Variants in PRKN observed in about 807,000 individuals in gnomAD.
PRKN encodes the protein parkin RBR E3 ubiquitin protein ligase.
Under a neutral mutation model 59.5 loss-of-function variants are expected in PRKN, and 56 were observed. The ratio of observed to expected loss-of-function variants is 0.94; its 90% confidence interval spans 0.76 to 1.18. PRKN has a LOEUF of 1.18. Among genes scored for constraint, PRKN ranks in the 50% most tolerant of loss-of-function variants. The pLI, the probability that PRKN is intolerant of heterozygous loss-of-function variation, is 0.00. For missense variants in PRKN, 657 were observed against 596.4 expected, an observed-to-expected ratio of 1.10 and a Z score of -1.06; for synonymous variants, 250 against 222.1, an observed-to-expected ratio of 1.13 and a Z score of -1.12.
At chr6:161,687,410 A>C (rs1278702935) in intron 7 of PRKN, among the ~76,000 whole-genome samples, 1 of 124,728 alleles carries the variant, frequency 8.0e-6, no homozygotes, top group Non-Finnish European at 1.8e-5. Flanking sequence ...AAAAAAAAAA[A>C]AAAAAGAATA....
intron 2 of PRKN, among the ~76,000 whole-genome samples, chr6:162,351,482 T>G (rs1784623463): frequency 6.6e-6 from 1 of 152,200 alleles, no homozygotes; most frequent in African/African-American, 2.4e-5. Context: ...TCTATGTTTC[T>G]GGTCTAAATG....
chr6:162,471,258 CG>C (rs1791726384), intron 1 of PRKN, among the ~76,000 whole-genome samples: 1 of 151,080 alleles, frequency 6.6e-6, no homozygotes, highest in African/African-American at 2.4e-5. Flanking sequence ...CCACCGCTCC[CG>C]GCTAATTTTT....
intron 6 of PRKN, among the ~76,000 whole-genome samples, chr6:161,851,784 G>A (rs1793444919): frequency 6.7e-6 from 1 of 149,938 alleles, no homozygotes. Context: ...CCCAAATAAC[G>A]TGTTTTTAAT....
intron 4 of PRKN, among the ~76,000 whole-genome samples, chr6:162,154,318 C>T (rs9791255): frequency 0.4 from 61,394 of 151,758 alleles, 15,223 homozygotes; most frequent in Non-Finnish European, 0.55. Flanking sequence ...ACACTGAGAA[C>T]ATCTGGGAGA....
chr6:161,556,280 CT>C (rs1430581549), intron 8 of PRKN, among the ~76,000 whole-genome samples: 2 of 152,038 alleles, frequency 1.3e-5, no homozygotes, highest in African/African-American at 2.4e-5. Flanking sequence ...ACATATGCGC[CT>C]GGGAATTTCT....
At chr6:161,695,214 G>C (rs1194340393) in intron 7 of PRKN, among the ~76,000 whole-genome samples, 1 of 152,102 alleles carries the variant, frequency 6.6e-6, no homozygotes, top group African/African-American at 2.4e-5. Flanking sequence ...GCCCCCAACT[G>C]GCTACAAAAG....
chr6:162,616,295 CCTACT>C (rs1782413989), intron 1 of PRKN, among the ~76,000 whole-genome samples: 1 of 152,004 alleles, frequency 6.6e-6, no homozygotes, highest in Non-Finnish European at 1.5e-5. Flanking sequence ...AGGGAGCTTG[CCTACT>C]TTATTCTTAT....
intron 1 of PRKN, among the ~76,000 whole-genome samples, chr6:162,537,988 C>T (rs1778786836): frequency 1.3e-5 from 2 of 152,200 alleles, no homozygotes; most frequent in Admixed American, 1.3e-4. Flanking sequence ...ACAGCTACGA[C>T]ATTATTGTTT....
intron 1 of PRKN, among the ~76,000 whole-genome samples, chr6:162,586,618 C>T (rs778191479): frequency 3.3e-5 from 5 of 152,094 alleles, no homozygotes; most frequent in Admixed American, 6.5e-5. Flanking sequence ...AAATCTACCA[C>T]GAGGGGCTAT....
At chr6:162,248,886 T>A (rs1245279570) in intron 3 of PRKN, among the ~76,000 whole-genome samples, 4 of 151,838 alleles carry the variant, frequency 2.6e-5, no homozygotes, top group African/African-American at 9.7e-5. Flanking sequence ...GTATATAATT[T>A]TTTTTTTTTT....
chr6:162,470,465 G>A (rs970037772), intron 1 of PRKN, among the ~76,000 whole-genome samples: 5 of 152,004 alleles, frequency 3.3e-5, no homozygotes, highest in East Asian at 2.0e-4. Context: ...TTAGCCAGGC[G>A]TGGTGGCAGG....
chr6:161,811,267 T>A (rs937212498), intron 6 of PRKN, among the ~76,000 whole-genome samples: 2 of 152,170 alleles, frequency 1.3e-5, no homozygotes, highest in Non-Finnish European at 2.9e-5. Flanking sequence ...GTTTTACTAA[T>A]GATTCCAAGC....
At chr6:161,777,994 C>A (rs1348566795) in intron 7 of PRKN, among the ~76,000 whole-genome samples, 1 of 150,844 alleles carries the variant, frequency 6.6e-6, no homozygotes, top group African/African-American at 2.4e-5. Flanking sequence ...TATTCAAATT[C>A]TATTACATGA....
rs758593834 is a variant in PRKN, at chr6:162,054,185, AAAC to A, written c.535-14_535-12del. 3.9e-6 allele frequency: 6 copies of A among 1,542,534 alleles called. No individual in the cohort carries two copies. The highest frequency in any genetic ancestry group is 2.2e-5 in the East Asian group (1 of 44,542). On this transcript the variant is annotated splice_polypyrimidine_tract_variant and intron_variant, in intron 4 of 11. Transcript: ENST00000366898. ...CCAGCAAGATGGACCCTTTGGGAAA[AAAC>A]AACAATATATGCTTATATGAGTTAT...
chr6:162,397,062 C>T (rs1001483988), intron 2 of PRKN, among the ~76,000 whole-genome samples: 2 of 152,136 alleles, frequency 1.3e-5, no homozygotes, highest in East Asian at 3.9e-4. Context: ...ACTCCTATGA[C>T]TTTTGCTGGA....
intron 1 of PRKN, among the ~76,000 whole-genome samples, chr6:162,682,687 A>G (rs536142655): frequency 3.8e-4 from 58 of 152,274 alleles, no homozygotes; most frequent in Admixed American, 2.0e-4. Flanking sequence ...AATTATTTGT[A>G]TATCAGATCA....
Position 162,024,184 on chromosome 6 carries a change from T to G in PRKN, c.618+29907A>C. On this transcript the variant is annotated intron_variant, in intron 5 of 11. Transcript: ENST00000366898. ...ACGAGTCCCTCCCTTCCTCCCTCCC[T>G]CCCCCAACCCTTTTTTTTTTTTTTT... Among the ~76,000 whole-genome samples, 4 of 117,518 alleles carry G rather than the reference T, an allele frequency of 3.4e-5. No individual in the cohort carries two copies. In the East Asian group the frequency reaches 8.3e-4, roughly 24 times the overall value. The allele number at this position is 117,518 out of a possible 152,430, so 77.1% of individuals were successfully genotyped here. A position where few individuals can be genotyped will look rare whatever the true frequency, so the allele number is the denominator to read the frequency against.
rs1562458941 is a variant in PRKN, at chr6:162,011,408, A to ATTATATTTTATAATAT, written c.619-37992_619-37991insATATTATAAAATATAA. Among the ~76,000 whole-genome samples the ATTATATTTTATAATAT allele has an allele frequency of 6.8e-3, 104 of 15,266 alleles. 8 individuals carry two copies. The highest frequency in any genetic ancestry group is 0.05 in the Middle Eastern group (1 of 20). 10.0% of individuals were successfully genotyped at this position (15,266 alleles called of 152,430 possible). A position where few individuals can be genotyped will look rare whatever the true frequency, so the allele number is the denominator to read the frequency against. ...TTTATAATATATATTATAAATATAT[A>ATTATATTTTATAATAT]ATATATTATATTTTATAATATATAT... On this transcript the variant is annotated intron_variant, in intron 5 of 11. Transcript: ENST00000366898.
chr6:162,442,902 T>C (rs1321912114), intron 2 of PRKN, among the ~76,000 whole-genome samples: 1 of 152,162 alleles, frequency 6.6e-6, no homozygotes, highest in East Asian at 1.9e-4. Context: ...ACAATTGGGT[T>C]ACAAATTCCT....
Sources: allele counts gnomAD v4.1 joint callset (sites outside exome capture counted in the v4.1 genomes callset), GRCh38; gene constraint gnomAD v4.1.1; transcripts MANE v1.5; gene names NCBI Gene and HGNC (gene_info 2026-07-23, HGNC 2026-07-21).